MED24: variants seen among roughly 807,000 people sequenced by gnomAD.
The protein encoded by MED24 is mediator complex subunit 24.
A neutral mutation model predicts 118.8 loss-of-function variants in MED24; 74 were observed. That is an observed-to-expected ratio of 0.62 (90% CI 0.52 to 0.76). The LOEUF (loss-of-function observed/expected upper bound fraction) is 0.76, where lower values mean the gene tolerates loss of function less well. MED24 is among the 30% of genes least tolerant of loss of function. The probability of loss-of-function intolerance (pLI) is 0.00; values close to 1 mark genes in which losing one functional copy is unlikely to be tolerated. For synonymous variants in MED24, 521 were observed against 523.9 expected, an observed-to-expected ratio of 0.99 and a Z score of 0.08; for missense variants, 1,041 against 1,278.9, an observed-to-expected ratio of 0.81 and a Z score of 2.84.
In MED24 at chr17:40,023,180, G is replaced by T; in HGVS notation, c.2201C>A (p.Thr734Asn). ...GTAGACGCCGCCCATGTGCAGCAGG[G>T]TGTCAAAGATGTGGATGGAGCGGCT... is the stretch of plus-strand genomic sequence containing the variant. ...VDSRSIHIFD[T>N]LLHMGGVYWF... The change falls in exon 20 of 26, where the codon ACC becomes AAC. Residue 734 changes from threonine (T) to asparagine (N), a missense_variant. By Grantham distance (65) the Thr-to-Asn change is moderately conservative. Coordinates refer to ENST00000394128, the MANE Select transcript of MED24 (RefSeq NM_014815.4). 1 of 1,614,172 alleles carries T rather than the reference G, an allele frequency of 6.2e-7. No individual in the cohort carries two copies.
In MED24 at chr17:40,026,801, G is replaced by A. The variant is rs576634349; in HGVS notation, c.1709+55C>T. ...GGAGCAAGGAACGGGCTCAGGGAGCGGGTCTTGACCCTGCCCCCACCGCCA... is the reference window on the plus strand; with the variant it reads ...GGAGCAAGGAACGGGCTCAGGGAGCAGGTCTTGACCCTGCCCCCACCGCCA... On this transcript the variant is annotated intron_variant, in intron 17 of 25. Transcript: ENST00000394128. The A allele has an allele frequency of 2.8e-4, 444 of 1,610,870 alleles. 2 individuals carry two copies. The South Asian group carries it at 3.9e-3, about 14-fold the overall frequency.
At chr17:40,036,234 G>T in intron 3 of MED24, 80 bp from the exon 4 acceptor site, 1 of 1,428,252 alleles carries the variant, frequency 7.0e-7, no homozygotes, top group South Asian at 1.2e-5. Context: ...GCTTCAAGTT[G>T]CTGCAGCTCT....
At chr17:40,023,085 A>C (rs779286733) in intron 20 of MED24, 46 bp downstream of exon 20, 1 of 1,577,488 alleles carries the variant, frequency 6.3e-7, no homozygotes, top group Non-Finnish European at 8.6e-7. Flanking sequence ...GTGGGGAGCC[A>C]GGGGACAGGA....
intron 3 of MED24, among the ~76,000 whole-genome samples, chr17:40,036,760 C>T (rs1983990888): frequency 1.3e-5 from 2 of 151,078 alleles, no homozygotes; most frequent in Non-Finnish European, 2.9e-5. Flanking sequence ...GGCTAGTGGG[C>T]AGAAGCATGG....
chr17:40,041,774 A>C (rs1041524907), intron 3 of MED24, among the ~76,000 whole-genome samples: 2 of 152,030 alleles, frequency 1.3e-5, no homozygotes, highest in Non-Finnish European at 2.9e-5. Context: ...CCACTTCCTA[A>C]ACTGTTCTTA....
At position 40,028,715 on chromosome 17, in the gene MED24, G is replaced by A. The variant is rs995536127; in HGVS notation, c.1409+111C>T. 30 of 1,452,592 alleles carry A rather than the reference G, an allele frequency of 2.1e-5. No homozygotes were observed. The South Asian group carries it at 2.5e-4, about 12-fold the overall frequency. 90.0% of individuals were successfully genotyped at this position (1,452,592 alleles called of 1,614,324 possible). A position where few individuals can be genotyped will look rare whatever the true frequency, so the allele number is the denominator to read the frequency against. On this transcript the variant is annotated intron_variant, in intron 14 of 25. Transcript: ENST00000394128. Reference sequence around the variant, plus strand: ...CAGCCAGGATGCTCTGCCTAGGCCCGTGGGTCTCTGGATGAGACCCAGACC... The same window carrying A: ...CAGCCAGGATGCTCTGCCTAGGCCCATGGGTCTCTGGATGAGACCCAGACC...
intron 3 of MED24, among the ~76,000 whole-genome samples, chr17:40,049,749 T>C (rs1413979804): frequency 6.6e-6 from 1 of 151,126 alleles, no homozygotes; most frequent in Non-Finnish European, 1.5e-5. Flanking sequence ...AGGGTCTCGA[T>C]CGCCTGACCT....
chr17:40,038,788 A>T (rs1984238274), intron 3 of MED24, among the ~76,000 whole-genome samples: 1 of 151,900 alleles, frequency 6.6e-6, no homozygotes, highest in Admixed American at 6.6e-5. Context: ...TCCATGTGCA[A>T]TTTCCCTCTC....
chr17:40,052,631 T>C (rs879084120), intron 3 of MED24, among the ~76,000 whole-genome samples: 7 of 152,016 alleles, frequency 4.6e-5, no homozygotes, highest in Admixed American at 3.9e-4. Flanking sequence ...AGACGGAGTG[T>C]TGTTCTGTTG....
At chr17:40,022,589 G>A (rs750009102) in intron 21 of MED24, 56 bp downstream of exon 21, 17 of 1,606,500 alleles carry the variant, frequency 1.1e-5, no homozygotes, top group South Asian at 8.8e-5. Flanking sequence ...GGCACCAGGC[G>A]AGGGGTGCTT....
chr17:40,036,860 C>T (rs1984002553), intron 3 of MED24, among the ~76,000 whole-genome samples: 1 of 152,090 alleles, frequency 6.6e-6, no homozygotes, highest in Non-Finnish European at 1.5e-5. Context: ...ACAAACATTT[C>T]CTGCACTGAG....
chr17:40,027,699 G>T (rs776187517), intron 15 of MED24: 11 of 675,778 alleles, frequency 1.6e-5, no homozygotes, highest in South Asian at 5.6e-5. Context: ...AAGGGATGAG[G>T]GGGGGAAGGA....
At position 40,022,054 on chromosome 17, in the gene MED24, C is replaced by T; in HGVS notation, c.2524G>A (p.Asp842Asn). Residue 842 changes from aspartate to asparagine, a missense_variant and splice_region_variant, in exon 23 of 26, where the codon GAT (aspartate) becomes AAT (asparagine). Asp to Asn is a conservative substitution (Grantham distance 23). Around this residue, in one of 3 missense-constraint regions of MED24, gnomAD observed 587 missense variants for 694.4 expected, o/e 0.85. Transcript: ENST00000394128. ...TCCAGGGGGAAGAGGCTGATATAAT[C>T]CTAGAGGGAGTGAAAGTCACTGTTA... ...QKKRHREDIE[D>N]YISLFPLDDV... 6.3e-7 allele frequency: 1 copy of T among 1,596,210 alleles called. No individual in the cohort carries two copies. The highest frequency in any genetic ancestry group is 8.5e-7 in the Non-Finnish European group (1 of 1,171,120).
chr17:40,048,700 C>T (rs1173457626), intron 3 of MED24, among the ~76,000 whole-genome samples: 1 of 151,882 alleles, frequency 6.6e-6, no homozygotes, highest in Non-Finnish European at 1.5e-5. Flanking sequence ...ATTACAGGTG[C>T]GCACCACCAC....
rs1340147957 is a variant in MED24 at position 40,022,432 on chromosome 17, A to G, written c.2485T>C (p.Ser829Pro). The G allele has an allele frequency of 1.2e-6, 2 of 1,610,204 alleles. No individual in the cohort carries two copies. Among genetic ancestry groups the G allele is most frequent in the Non-Finnish European group, 1.7e-6 (2 of 1,178,560 alleles). Reference sequence around the variant, plus strand: ...CGGTGTCTCTTCTTCTGGCGGGTGGACGCCTGTCCCTTGTGGGAGGAGTAG... The same window carrying G: ...CGGTGTCTCTTCTTCTGGCGGGTGGGCGCCTGTCCCTTGTGGGAGGAGTAG... ...SSYSSHKGQA[S>P]TRQKKRHRED... The change falls in exon 22 of 26, where the codon TCC (serine) becomes CCC (proline). Residue 829 changes from serine (S) to proline (P), a missense_variant. Physicochemically the swap from Ser to Pro is moderately conservative, Grantham distance 74. Transcript: ENST00000394128.
At chr17:40,041,457 G>A (rs1187274992) in intron 3 of MED24, among the ~76,000 whole-genome samples, 1 of 152,140 alleles carries the variant, frequency 6.6e-6, no homozygotes, top group Non-Finnish European at 1.5e-5. Flanking sequence ...CATGCCCATA[G>A]CTTTGATTAC....
At chr17:40,027,985 G>T in intron 14 of MED24, 39 bp from the exon 15 acceptor site, 1 of 1,606,686 alleles carries the variant, frequency 6.2e-7, no homozygotes. Context: ...ACCAGGGCAT[G>T]AGCTGAGCAG....
chr17:40,026,991 A>G lies in MED24; in HGVS notation c.1574T>C (p.Phe525Ser). 1 of 1,614,112 alleles carries G rather than the reference A, an allele frequency of 6.2e-7. No individual in the cohort carries two copies. Among genetic ancestry groups the G allele is most frequent in the Non-Finnish European group, 8.5e-7 (1 of 1,180,012 alleles). The stretch of plus-strand genomic sequence containing the variant: ...CATGCAGGTCTGCATCCAGGTCTCG[A>G]AGAAGGGCACCTCAGCTCCTGTGCG... ...ESRTGAEVPF[F>S]ETWMQTCMPE... is the part of the protein sequence containing the mutation. Residue 525 changes from phenylalanine to serine, a missense_variant, in exon 17 of 26, where the codon TTC becomes TCC. Transcript: ENST00000394128.
chr17:40,026,851 C>G lies in MED24; in HGVS notation c.1709+5G>C. On this transcript the variant is annotated splice_donor_5th_base_variant and intron_variant, in intron 17 of 25. Transcript: ENST00000394128. Reference sequence around the variant, plus strand: ...ACCCTTGGAGTGGGCGCCCGGGCCACTGACACTAGCTTCATCTCCGAGGAG... The same window carrying G: ...ACCCTTGGAGTGGGCGCCCGGGCCAGTGACACTAGCTTCATCTCCGAGGAG... 4.3e-6 allele frequency: 7 copies of G among 1,611,824 alleles called. No homozygotes were observed. The highest frequency in any genetic ancestry group is 5.9e-6 in the Non-Finnish European group (7 of 1,178,332).
Sources: gnomAD v4.1 joint callset for allele counts (sites outside exome capture counted in the v4.1 genomes callset) on GRCh38, gnomAD v4.1.1 for gene constraint, gnomAD v4.1.1 regional missense constraint, MANE v1.5 for transcripts, NCBI Gene and HGNC (gene_info 2026-07-23, HGNC 2026-07-21) for gene names.